TYW1: variants seen among roughly 807,000 people sequenced by gnomAD.
TYW1 encodes the protein S-adenosyl-L-methionine-dependent tRNA 4-demethylwyosine synthase TYW1.
A neutral mutation model predicts 96.2 loss-of-function variants in TYW1; 46 were observed. That is an observed-to-expected ratio of 0.48 (90% CI 0.38 to 0.61). The LOEUF (loss-of-function observed/expected upper bound fraction) is 0.61. TYW1 is among the 20% of genes least tolerant of loss of function. TYW1 has a pLI of 0.00. For missense variants in TYW1, 684 were observed against 909.6 expected, an observed-to-expected ratio of 0.75 and a Z score of 3.19; for synonymous variants, 274 against 323.0, an observed-to-expected ratio of 0.85 and a Z score of 1.63.
Position 67,090,366 on chromosome 7 carries a change from A to G in TYW1, c.1384+6827A>G, listed in dbSNP as rs1229242140. On this transcript the variant is annotated intron_variant, in intron 11 of 15. Coordinates refer to ENST00000359626, the MANE Select transcript of TYW1 (RefSeq NM_018264.4). Reference sequence around the variant, plus strand: ...GAATGTTTTATTTCTGATCGGCCCAAACTTTAGAAATAGGAATATACTGAG... The same window carrying G: ...GAATGTTTTATTTCTGATCGGCCCAGACTTTAGAAATAGGAATATACTGAG... Among the ~76,000 whole-genome samples the G allele has an allele frequency of 2.6e-5, 4 of 152,166 alleles. No homozygotes were observed. In the East Asian group the frequency reaches 7.7e-4, roughly 29 times the overall value.
intron 9 of TYW1, among the ~76,000 whole-genome samples, chr7:67,059,326 A>G (rs1300838794): frequency 6.6e-6 from 1 of 151,402 alleles, no homozygotes; most frequent in Non-Finnish European, 1.5e-5. Flanking sequence ...GATGGTCTCG[A>G]TCTCCTGACC....
chr7:67,000,403 A>G (rs919188902), intron 3 of TYW1, among the ~76,000 whole-genome samples: 3 of 151,942 alleles, frequency 2.0e-5, no homozygotes, highest in African/African-American at 7.2e-5. Flanking sequence ...GGTTCGAGCA[A>G]TTCTCCTGCC....
At chr7:67,164,814 A>C (rs535772066) in intron 13 of TYW1, among the ~76,000 whole-genome samples, 1 of 152,186 alleles carries the variant, frequency 6.6e-6, no homozygotes, top group South Asian at 2.1e-4. Flanking sequence ...TGTTAGCTAA[A>C]GGGTGATATC....
intron 4 of TYW1, among the ~76,000 whole-genome samples, chr7:67,012,594 C>T (rs542644069): frequency 6.6e-6 from 1 of 152,164 alleles, no homozygotes; most frequent in Admixed American, 6.6e-5. Context: ...ATTCAAACAC[C>T]AGGCTATCAA....
intron 10 of TYW1, among the ~76,000 whole-genome samples, chr7:67,069,762 C>A (rs577179751): frequency 6.6e-6 from 1 of 152,290 alleles, no homozygotes; most frequent in South Asian, 2.1e-4. Context: ...GAAAAACAAA[C>A]ACAAACAAAA....
intron 9 of TYW1, among the ~76,000 whole-genome samples, chr7:67,066,335 C>T (rs1162865203): frequency 6.6e-6 from 1 of 152,152 alleles, no homozygotes; most frequent in Admixed American, 6.6e-5. Context: ...GAGCTCTGGA[C>T]AGATCTGATT....
At chr7:67,234,593 G>C (rs1308431173) in intron 15 of TYW1, among the ~76,000 whole-genome samples, 1 of 151,950 alleles carries the variant, frequency 6.6e-6, no homozygotes, top group African/African-American at 2.4e-5. Flanking sequence ...TGTTACGGCA[G>C]CCTGAGCTAA....
At position 66,996,890 on chromosome 7, in the gene TYW1, C is replaced by T. The variant is rs1793182420; in HGVS notation, c.-89C>T. 2 of 1,602,388 alleles carry T rather than the reference C, an allele frequency of 1.2e-6. No individual in the cohort carries two copies. Among genetic ancestry groups the T allele is most frequent in the African/African-American group, 1.3e-5 (1 of 74,914 alleles). ...GGCACTCGGTACGCCGCTAACGCGG[C>T]GAGGTAGCTCGGTGCGTCTCGCGGT... On this transcript the variant is annotated 5_prime_UTR_variant, in exon 1 of 16. Coordinates refer to ENST00000359626, the MANE Select transcript of TYW1 (RefSeq NM_018264.4).
At chr7:67,167,975 G>A (rs927584946) in intron 13 of TYW1, among the ~76,000 whole-genome samples, 10 of 151,934 alleles carry the variant, frequency 6.6e-5, no homozygotes, top group Admixed American at 2.0e-4. Flanking sequence ...GGCTTGTCTC[G>A]AACTCCTGAC....
intron 13 of TYW1, among the ~76,000 whole-genome samples, chr7:67,133,262 C>A (rs566838777): frequency 9.7e-5 from 14 of 145,020 alleles, no homozygotes; most frequent in South Asian, 2.2e-4. Context: ...TCAGTCCCCC[C>A]ACGAAGCTCG....
chr7:67,237,273 G>A (rs913983135), intron 15 of TYW1, among the ~76,000 whole-genome samples: 4 of 108,050 alleles, frequency 3.7e-5, no homozygotes, highest in East Asian at 2.0e-4. Flanking sequence ...GGCCAAGGCC[G>A]GTGGATCACG....
chr7:67,230,713 C>T (rs1418583299), intron 15 of TYW1, among the ~76,000 whole-genome samples: 6 of 140,388 alleles, frequency 4.3e-5, no homozygotes, highest in Non-Finnish European at 7.5e-5. Flanking sequence ...AGTGCAGTGG[C>T]GCGATCTCGG....
intron 12 of TYW1, among the ~76,000 whole-genome samples, chr7:67,112,352 A>G (rs983710711): frequency 6.6e-6 from 1 of 152,116 alleles, no homozygotes; most frequent in African/African-American, 2.4e-5. Context: ...ACAGTGGCTC[A>G]TGCCTGTAAT....
At chr7:67,007,755 C>T (rs1183132775) in intron 3 of TYW1, among the ~76,000 whole-genome samples, 2 of 152,112 alleles carry the variant, frequency 1.3e-5, no homozygotes, top group Non-Finnish European at 2.9e-5. Flanking sequence ...CTCCCTCAGC[C>T]TCCCAAGTAG....
At chr7:67,079,939 T>C (rs117941967) in intron 10 of TYW1, among the ~76,000 whole-genome samples, 2,680 of 152,336 alleles carry the variant, frequency 0.018, 37 homozygotes, top group Admixed American at 0.046. Context: ...TGTATTCCAT[T>C]GTCCAAAAAC....
chr7:67,081,831 G>C (rs1247595981), intron 10 of TYW1, among the ~76,000 whole-genome samples: 1 of 115,496 alleles, frequency 8.7e-6, no homozygotes, highest in Admixed American at 9.5e-5. Flanking sequence ...CCTTTTTTTT[G>C]GTCTGACTGG....
rs1440821484 is a variant in TYW1, at chr7:67,116,239, T to C, written c.1563-1244T>C. Among the ~76,000 whole-genome samples the C allele has an allele frequency of 2.0e-5, 3 of 150,354 alleles. No individual in the cohort carries two copies. The East Asian group carries it at 5.9e-4, about 29-fold the overall frequency. On this transcript the variant is annotated intron_variant, in intron 12 of 15. Coordinates refer to ENST00000359626, the MANE Select transcript of TYW1 (RefSeq NM_018264.4). ...TACTTAGGAGACTGAGGCAGGAGAA[T>C]CACTTGAACCCGGAGGCAGAGGTTG...
intron 13 of TYW1, among the ~76,000 whole-genome samples, chr7:67,119,505 G>A (rs540558809): frequency 2.0e-4 from 30 of 152,176 alleles, no homozygotes; most frequent in Non-Finnish European, 2.9e-4. Context: ...TGAGTCTTCG[G>A]TTACTGTCTC....
intron 7 of TYW1, among the ~76,000 whole-genome samples, chr7:67,042,718 C>T (rs1042672926): frequency 2.0e-5 from 3 of 151,918 alleles, no homozygotes; most frequent in African/African-American, 4.8e-5. Context: ...ATTAGGAGGC[C>T]GGGTGCAGTG....
Sources: allele counts gnomAD v4.1 joint callset (sites outside exome capture counted in the v4.1 genomes callset), GRCh38; gene constraint gnomAD v4.1.1; transcripts MANE v1.5; gene names NCBI Gene and HGNC (gene_info 2026-07-23, HGNC 2026-07-21).